GAB4: variants seen among roughly 807,000 people sequenced by gnomAD.
GAB4 encodes GRB2-associated-binding protein 4.
A neutral mutation model predicts 51.3 loss-of-function variants in GAB4; 26 were observed. The ratio of observed to expected loss-of-function variants is 0.51; its 90% CI spans 0.37 to 0.70. The LOEUF is 0.70. Among genes scored for constraint, GAB4 ranks in the 30% least tolerant of loss-of-function variants. The probability of loss-of-function intolerance (pLI) is 0.00; values close to 1 mark genes in which losing one functional copy is unlikely to be tolerated. For synonymous variants in GAB4, 329 were observed against 291.2 expected, an observed-to-expected ratio of 1.13 and a Z score of -1.32; for missense variants, 759 against 734.6, an observed-to-expected ratio of 1.03 and a Z score of -0.38.
rs754640539 is a variant in GAB4 at position 17,008,144 on chromosome 22, G to C, written c.-30C>G. On this transcript the variant is annotated 5_prime_UTR_variant, in exon 1 of 10. Coordinates refer to ENST00000400588, the MANE Select transcript of GAB4 (RefSeq NM_001037814.1). Reference sequence around the variant, plus strand: ...GCTGCAGCTCACAGTGAAGGTGGGGGAGACAGGGCGAGAGGGCGTTGCTGG... The same window carrying C: ...GCTGCAGCTCACAGTGAAGGTGGGGCAGACAGGGCGAGAGGGCGTTGCTGG... 1.3e-5 allele frequency: 19 copies of C among 1,515,288 alleles called. No homozygotes were observed. The highest frequency in any genetic ancestry group is 1.8e-5 in the Admixed American group (1 of 56,456). 93.9% of individuals were successfully genotyped at this position (1,515,288 alleles called of 1,614,324 possible). A position where few individuals can be genotyped will look rare whatever the true frequency, so the allele number is the denominator to read the frequency against.
intron 8 of GAB4, among the ~76,000 whole-genome samples, 191 bp from the exon 9 acceptor site, chr22:16,964,020 A>C (rs552169919): frequency 9.9e-4 from 151 of 152,174 alleles, no homozygotes; most frequent in Admixed American, 1.8e-3. Flanking sequence ...CCTCTCCTTC[A>C]CACACTGGAT....
In GAB4 at chr22:16,987,995, C is replaced by T. The variant is rs757635484; in HGVS notation, c.651G>A (p.Ser217=). 14 of 1,608,212 alleles carry T rather than the reference C, an allele frequency of 8.7e-6. No individual in the cohort carries two copies. Among genetic ancestry groups the T allele is most frequent in the African/African-American group, 1.3e-5 (1 of 74,762 alleles). Residue 217 remains serine, a synonymous_variant, in exon 3 of 10, where the codon TCG becomes TCA. Coordinates refer to ENST00000400588, the MANE Select transcript of GAB4 (RefSeq NM_001037814.1). ...PIPAPPGCLR[S]HQHASQRAEH... Reference sequence around the variant, plus strand: ...CTGCTCTCTGGCTGGCGTGCTGGTGCGAGCGGAGACACCCCGGAGGTGCAG... The same window carrying T: ...CTGCTCTCTGGCTGGCGTGCTGGTGTGAGCGGAGACACCCCGGAGGTGCAG...
Position 16,967,996 on chromosome 22 carries a change from C to T in GAB4, c.1023+302G>A, listed in dbSNP as rs189267813. On this transcript the variant is annotated intron_variant, in intron 5 of 9. Coordinates refer to ENST00000400588, the MANE Select transcript of GAB4 (RefSeq NM_001037814.1). Reference sequence around the variant, plus strand: ...GGGAAGCACTCCTGCTCCAGGGGACCTCATGGGTTAGAGCACCTGCTTAGA... The same window carrying T: ...GGGAAGCACTCCTGCTCCAGGGGACTTCATGGGTTAGAGCACCTGCTTAGA... 2.7e-4 allele frequency among the ~76,000 whole-genome samples: 41 copies of T among 152,282 alleles called. No individual in the cohort carries two copies. In the East Asian group the frequency reaches 6.2e-3, roughly 23 times the overall value.
chr22:16,992,133 C>A lies in GAB4; in HGVS notation c.218G>T (p.Ser73Ile). 1 of 1,613,732 alleles carries A rather than the reference C, an allele frequency of 6.2e-7. No homozygotes were observed. The highest frequency in any genetic ancestry group is 8.5e-7 in the Non-Finnish European group (1 of 1,179,646). The change falls in exon 2 of 10, where the codon AGC becomes ATC. Residue 73 changes from serine (S) to isoleucine (I), a missense_variant. Ser to Ile is a moderately radical substitution (Grantham distance 142). Coordinates refer to ENST00000400588, the MANE Select transcript of GAB4 (RefSeq NM_001037814.1). Reference sequence around the variant, plus strand: ...GTATTCCAGAACATCTGGGTCACTGCTAGTCTGGCCCCTCCGCAGGATAAA... The same window carrying A: ...GTATTCCAGAACATCTGGGTCACTGATAGTCTGGCCCCTCCGCAGGATAAA... ...RWFILRRGQT[S>I]SDPDVLEYYK...
In GAB4 at chr22:16,963,776, CGGCGGGG is replaced by C. The variant is rs1292487466; in HGVS notation, c.1523_1529del (p.Ala508GlyfsTer21). On this transcript the variant is annotated frameshift_variant, in exon 9 of 10. Transcript: ENST00000400588. LOFTEE classifies it high-confidence loss of function. ...CGTAGTGGATGTTACCAGTGCTCCT[CGGCGGGG>C]CTGAACTGCTGGTGCCACCGGAAAC... 10 of 1,613,848 alleles carry C rather than the reference CGGCGGGG, an allele frequency of 6.2e-6. No individual in the cohort carries two copies. The highest frequency in any genetic ancestry group is 7.6e-6 in the Non-Finnish European group (9 of 1,180,000).
intron 3 of GAB4, among the ~76,000 whole-genome samples, chr22:16,974,025 A>G (rs1170692841): frequency 6.6e-6 from 1 of 152,320 alleles, no homozygotes; most frequent in Admixed American, 6.5e-5. Context: ...ACATGCCTGA[A>G]ATTACCTACT....
intron 2 of GAB4, among the ~76,000 whole-genome samples, chr22:16,988,751 C>A (rs1480254855): frequency 6.6e-6 from 1 of 152,206 alleles, no homozygotes; most frequent in Admixed American, 6.5e-5. Context: ...CACTACTCAG[C>A]AGAACCTACG....
At position 17,008,031 on chromosome 22, in the gene GAB4, A is replaced by G; in HGVS notation, c.84T>C (p.Ser28=). Residue 28 remains serine (S), a synonymous_variant, in exon 1 of 10, where the codon AGT becomes AGC. Transcript: ENST00000400588. ...TTCTCGTGCTTCCGCCGGCGGGGCC[A>G]CTTCCGGGCCACGAAGACAAAGGCG... is the stretch of plus-strand genomic sequence containing the variant. ...AFAPLSSWPG[S]GPAGGSTRSG... is the part of the protein sequence containing the mutation. The G allele has an allele frequency of 1.9e-6, 3 of 1,608,432 alleles. No individual in the cohort carries two copies. The highest frequency in any genetic ancestry group is 2.5e-6 in the Non-Finnish European group (3 of 1,177,980).
chr22:16,990,816 G>C (rs1217158979), intron 2 of GAB4, among the ~76,000 whole-genome samples: 1 of 152,142 alleles, frequency 6.6e-6, no homozygotes. Flanking sequence ...CTTAAAACCA[G>C]ACTGCTGTGT....
At chr22:16,981,514 T>C (rs2060827351) in intron 3 of GAB4, among the ~76,000 whole-genome samples, 1 of 151,984 alleles carries the variant, frequency 6.6e-6, no homozygotes, top group Non-Finnish European at 1.5e-5. Flanking sequence ...TGCCAAAAAT[T>C]GGAAAACCTG....
chr22:16,972,721 C>T (rs1311768035), intron 3 of GAB4, among the ~76,000 whole-genome samples: 1 of 152,090 alleles, frequency 6.6e-6, no homozygotes, highest in Non-Finnish European at 1.5e-5. Flanking sequence ...CTTAGTGAGC[C>T]CACCCTACTC....
chr22:16,971,688 G>T (rs1478709847), intron 3 of GAB4, among the ~76,000 whole-genome samples: 1 of 152,202 alleles, frequency 6.6e-6, no homozygotes, highest in African/African-American at 2.4e-5. Flanking sequence ...TTTGCATGCG[G>T]TTTCTAGGGG....
At position 16,988,246 on chromosome 22, in the gene GAB4, G is replaced by A. The variant is rs1451649252; in HGVS notation, c.479-79C>T. On this transcript the variant is annotated intron_variant, in intron 2 of 9. Transcript: ENST00000400588. ...GGCAGAAACACATGAAGACAGTGGC[G>A]GTAATCCAGCACCAGCACTCTTCCT... 41 of 932,874 alleles carry A rather than the reference G, an allele frequency of 4.4e-5. 2 individuals carry two copies. Among genetic ancestry groups the A allele is most frequent in the South Asian group, 2.2e-4 (16 of 72,158 alleles). 57.8% of individuals were successfully genotyped at this position (932,874 alleles called of 1,614,324 possible).
At chr22:16,964,153 G>C (rs1055815609) in intron 8 of GAB4, among the ~76,000 whole-genome samples, 2 of 152,136 alleles carry the variant, frequency 1.3e-5, no homozygotes, top group African/African-American at 4.8e-5. Flanking sequence ...AGGCTGCATG[G>C]AGCCTACCCC....
chr22:17,004,035 C>T (rs572932294), intron 1 of GAB4, among the ~76,000 whole-genome samples: 2 of 152,264 alleles, frequency 1.3e-5, no homozygotes, highest in Non-Finnish European at 2.9e-5. Flanking sequence ...TCAGAGAATA[C>T]TATAAACACC....
intron 4 of GAB4, chr22:16,969,588 G>T: frequency 1.9e-6 from 1 of 517,584 alleles, no homozygotes; most frequent in East Asian, 2.9e-5. Flanking sequence ...TCTCCCTCTG[G>T]GTCTCAGTGA....
At chr22:16,978,771 G>A (rs778441335) in intron 3 of GAB4, among the ~76,000 whole-genome samples, 5 of 152,080 alleles carry the variant, frequency 3.3e-5, no homozygotes, top group Non-Finnish European at 5.9e-5. Flanking sequence ...ACATCAATGC[G>A]AAAATCCTCA....
At chr22:16,990,622 C>T (rs2060905937) in intron 2 of GAB4, among the ~76,000 whole-genome samples, 1 of 152,184 alleles carries the variant, frequency 6.6e-6, no homozygotes, top group Non-Finnish European at 1.5e-5. Flanking sequence ...CTCACCTCCA[C>T]AGCCCCTGTC....
At chr22:16,965,615 C>G (rs535780960) in intron 6 of GAB4, among the ~76,000 whole-genome samples, 1 of 152,348 alleles carries the variant, frequency 6.6e-6, no homozygotes, top group South Asian at 2.1e-4. Context: ...AGTCCCCATG[C>G]CTGCCCCTGC....
Sources: allele counts gnomAD v4.1 joint callset (sites outside exome capture counted in the v4.1 genomes callset), GRCh38; gene constraint gnomAD v4.1.1; transcripts MANE v1.5; gene names NCBI Gene and HGNC (gene_info 2026-07-23, HGNC 2026-07-21).